The following EIF3J variants were observed in gnomAD, a reference collection of about 807,000 sequenced individuals.
EIF3J encodes the protein eukaryotic translation initiation factor 3 subunit J.
In EIF3J, 15 loss-of-function variants were observed where a neutral mutation model predicts 39.0. The ratio of observed to expected loss-of-function variants is 0.38; its 90% CI spans 0.26 to 0.59. The LOEUF is 0.59. EIF3J is among the 20% of genes least tolerant of loss of function. The probability of loss-of-function intolerance (pLI) is 0.60; values close to 1 mark genes in which losing one functional copy is unlikely to be tolerated. For missense variants in EIF3J, 226 were observed against 308.6 expected (o/e 0.73, Z 2.00); for synonymous variants, 98 against 112.9 (o/e 0.87, Z 0.84).
chr15:44,538,865 T>C (rs1346587746), intron 2 of EIF3J, among the ~76,000 whole-genome samples: 1 of 152,182 alleles, frequency 6.6e-6, no homozygotes, highest in Non-Finnish European at 1.5e-5. Context: ...ACATCTGTTA[T>C]GAAATTTGGG....
chr15:44,538,586 A>T (rs943430454), intron 2 of EIF3J, among the ~76,000 whole-genome samples: 9 of 152,134 alleles, frequency 5.9e-5, no homozygotes, highest in African/African-American at 2.2e-4. Context: ...ATGAGGTTGG[A>T]TGTGTGGATG....
chr15:44,560,235 CT>C lies in EIF3J; in HGVS notation c.572-4del, dbSNP rs754258428. On this transcript the variant is annotated splice_polypyrimidine_tract_variant and intron_variant, in intron 6 of 7. Coordinates refer to ENST00000261868, the MANE Select transcript of EIF3J (RefSeq NM_003758.4). ...AAAAATTCAAGTTTAATGGTATGCCCTTTTTTTTTTAAGTGGAAATTGATGA... is the reference window on the plus strand; with the variant it reads ...AAAAATTCAAGTTTAATGGTATGCCCTTTTTTTTTAAGTGGAAATTGATGA... 6.2e-3 allele frequency: 7,770 copies of C among 1,249,422 alleles called. 1 individual carries two copies. Among genetic ancestry groups the C allele is most frequent in the Admixed American group, 0.014 (636 of 45,106 alleles). The allele number at this position is 1,249,422 out of a possible 1,614,324, so 77.4% of individuals were successfully genotyped here.
At chr15:44,537,683 T>C (rs985808167) in intron 2 of EIF3J, among the ~76,000 whole-genome samples, 1 of 152,096 alleles carries the variant, frequency 6.6e-6, no homozygotes, top group Admixed American at 6.5e-5. Context: ...CGACGAAAGG[T>C]GACAGCATCG....
chr15:44,557,649 A>C lies in EIF3J; in HGVS notation c.570A>C (p.Ser190=), dbSNP rs1595807715. ...LEVLVRDVCI[S]LEIDDLKKIT... ...TCTTAGTTCGAGATGTGTGTATTTCATGTAAGTAATTCTAATTTCTAGCCC... is the reference window on the plus strand; with the variant it reads ...TCTTAGTTCGAGATGTGTGTATTTCCTGTAAGTAATTCTAATTTCTAGCCC... The change falls in exon 6 of 8, where the codon TCA becomes TCC. Residue 190 remains serine (S), a splice_region_variant and synonymous_variant. Transcript: ENST00000261868. 1 of 1,468,050 alleles carries C rather than the reference A, an allele frequency of 6.8e-7. No individual in the cohort carries two copies. The highest frequency in any genetic ancestry group is 9.0e-7 in the Non-Finnish European group (1 of 1,105,536). The allele number at this position is 1,468,050 out of a possible 1,614,324, so 90.9% of individuals were successfully genotyped here.
At chr15:44,551,310 A>G in intron 3 of EIF3J, 121 bp from the exon 4 acceptor site, 1 of 686,336 alleles carries the variant, frequency 1.5e-6, no homozygotes, top group Non-Finnish European at 2.4e-6. Flanking sequence ...TTTGTGAGAA[A>G]AATCACTGTT....
chr15:44,549,924 C>A (rs1484956586), intron 2 of EIF3J, among the ~76,000 whole-genome samples: 2 of 150,702 alleles, frequency 1.3e-5, no homozygotes, highest in South Asian at 4.2e-4. Flanking sequence ...CGTGACATTG[C>A]ACTCCAGCCT....
At chr15:44,549,764 CAAAAA>C (rs774290941) in intron 2 of EIF3J, among the ~76,000 whole-genome samples, 4 of 11,470 alleles carry the variant, frequency 3.5e-4, no homozygotes, top group Admixed American at 9.1e-4. Flanking sequence ...GACTCCGTCT[CAAAAA>C]AAAAAAAAAA....
chr15:44,542,569 G>A (rs187354865), intron 2 of EIF3J, among the ~76,000 whole-genome samples: 26 of 152,168 alleles, frequency 1.7e-4, no homozygotes, highest in African/African-American at 6.0e-4. Context: ...TTTATATTAT[G>A]AAGACAGAAC....
rs1036466116 is a variant in EIF3J at position 44,562,671 on chromosome 15, C to T, written c.*1522C>T. On this transcript the variant is annotated 3_prime_UTR_variant, in exon 8 of 8. Transcript: ENST00000261868. ...TTAAGGCAGACAAGGGCTAAGATTT[C>T]CTTAGCAGTAATAATGACATACACT... The T allele has an allele frequency of 6.3e-6, 1 of 158,382 alleles. No homozygotes were observed. The highest frequency in any genetic ancestry group is 1.4e-5 in the Non-Finnish European group (1 of 71,534). 9.8% of individuals were successfully genotyped at this position (158,382 alleles called of 1,614,324 possible). A position where few individuals can be genotyped will look rare whatever the true frequency, so the allele number is the denominator to read the frequency against.
intron 5 of EIF3J, 23 bp downstream of exon 5, chr15:44,554,690 A>C (rs767271233): frequency 2.6e-6 from 4 of 1,516,644 alleles, no homozygotes; most frequent in Non-Finnish European, 3.6e-6. Context: ...TATGATTGCA[A>C]TACAGTATTA....
chr15:44,555,434 A>G (rs2082136545), intron 5 of EIF3J, among the ~76,000 whole-genome samples: 1 of 152,230 alleles, frequency 6.6e-6, no homozygotes, highest in African/African-American at 2.4e-5. Context: ...TCTGAAACAG[A>G]TCAACAGGCT....
intron 2 of EIF3J, among the ~76,000 whole-genome samples, chr15:44,547,175 T>G (rs1201547474): frequency 6.6e-6 from 1 of 151,836 alleles, no homozygotes; most frequent in African/African-American, 2.4e-5. Context: ...CGGAGTTTCA[T>G]TCTTGTTGCC....
chr15:44,540,022 C>T (rs561727128), intron 2 of EIF3J, among the ~76,000 whole-genome samples: 44 of 149,912 alleles, frequency 2.9e-4, no homozygotes, highest in African/African-American at 1.0e-3. Context: ...TCACTGCAAC[C>T]TCCGCCTCCC....
At chr15:44,554,014 C>A (rs569784240) in intron 4 of EIF3J, among the ~76,000 whole-genome samples, 1 of 148,404 alleles carries the variant, frequency 6.7e-6, no homozygotes, top group South Asian at 2.1e-4. Context: ...CCAGCTGTTA[C>A]CTTCTATTTA....
At chr15:44,548,467 T>C (rs1419988694) in intron 2 of EIF3J, among the ~76,000 whole-genome samples, 3 of 152,098 alleles carry the variant, frequency 2.0e-5, no homozygotes, top group East Asian at 3.8e-4. Flanking sequence ...GGAGAGACAG[T>C]AGACTAGTGG....
intron 2 of EIF3J, among the ~76,000 whole-genome samples, chr15:44,540,483 G>C (rs896669729): frequency 6.6e-6 from 1 of 151,252 alleles, no homozygotes; most frequent in African/African-American, 2.4e-5. Context: ...AGTTGCCCAG[G>C]CTGGTCTCAA....
intron 2 of EIF3J, chr15:44,550,592 G>T: frequency 4.5e-6 from 1 of 223,222 alleles, no homozygotes. Flanking sequence ...AAATACTTAG[G>T]AATAAATCTA....
At chr15:44,557,754 A>C in intron 6 of EIF3J, 104 bp downstream of exon 6, 1 of 852,794 alleles carries the variant, frequency 1.2e-6, no homozygotes, top group African/African-American at 1.7e-5. Flanking sequence ...TATAATACAG[A>C]CTCATGATTT....
chr15:44,549,247 G>T (rs557808738), intron 2 of EIF3J, among the ~76,000 whole-genome samples: 4 of 151,844 alleles, frequency 2.6e-5, no homozygotes, highest in Non-Finnish European at 5.9e-5. Context: ...TACAAAGTTA[G>T]CCAGGCATGG....
Sources: gnomAD v4.1 joint callset for allele counts (sites outside exome capture counted in the v4.1 genomes callset) on GRCh38, gnomAD v4.1.1 for gene constraint, MANE v1.5 for transcripts, NCBI Gene and HGNC (gene_info 2026-07-23, HGNC 2026-07-21) for gene names.